The following GFRA2 variants were observed in gnomAD, a reference collection of about 807,000 sequenced individuals.
The protein encoded by GFRA2 is GDNF family receptor alpha-2.
A neutral mutation model predicts 48.3 loss-of-function variants in GFRA2; 17 were observed. That is an observed-to-expected ratio of 0.35 (90% CI 0.24 to 0.53). The LOEUF (loss-of-function observed/expected upper bound fraction) is 0.53, where lower values mean the gene tolerates loss of function less well. Among genes scored for constraint, GFRA2 ranks in the 20% least tolerant of loss-of-function variants. The pLI, the probability that GFRA2 is intolerant of heterozygous loss-of-function variation, is 0.93. For synonymous variants in GFRA2, 305 were observed against 257.2 expected, an observed-to-expected ratio of 1.19 and a Z score of -1.78; for missense variants, 660 against 637.3, an observed-to-expected ratio of 1.04 and a Z score of -0.38.
intron 4 of GFRA2, among the ~76,000 whole-genome samples, chr8:21,711,184 G>C (rs1309578095): frequency 6.6e-6 from 1 of 152,214 alleles, no homozygotes; most frequent in Non-Finnish European, 1.5e-5. Flanking sequence ...AACACCAGGA[G>C]GTCACTCCTG....
At chr8:21,710,781 G>T (rs1293531377) in intron 4 of GFRA2, among the ~76,000 whole-genome samples, 2 of 152,246 alleles carry the variant, frequency 1.3e-5, no homozygotes, top group Non-Finnish European at 2.9e-5. Flanking sequence ...AGACAGCAAA[G>T]CGTACGGCAA....
chr8:21,698,391 T>C (rs982391507), intron 7 of GFRA2, among the ~76,000 whole-genome samples: 1 of 152,226 alleles, frequency 6.6e-6, no homozygotes, highest in East Asian at 1.9e-4. Context: ...AGGGATGCTC[T>C]GTTGCCCAGG....
In GFRA2 at chr8:21,775,030, G is replaced by C; in HGVS notation, c.381C>G (p.Pro127=). 1 of 1,600,730 alleles carries C rather than the reference G, an allele frequency of 6.2e-7. No individual in the cohort carries two copies. Among genetic ancestry groups the C allele is most frequent in the South Asian group, 1.1e-5 (1 of 90,728 alleles). The change falls in exon 3 of 9, where the codon CCC becomes CCG. Residue 127 remains proline (P), a synonymous_variant. Transcript: ENST00000524240. ...TEGEEFYEAS[P]YEPVTSRLSD... ...AGAGGCGGGAGGTCACCGGCTCATA[G>C]GGGGAGGCTTCGTAGAACTCCTCAC...
Position 21,693,298 on chromosome 8 carries a change from T to C in GFRA2, c.1375A>G (p.Met459Val). ...ACAGCCTACAAGGCCAGTTTCAGCA[T>C]CAGGACAGACAGCACGGTCAAGGCA... Reference protein sequence around the residue: ...SAALTVLSVLMLKLAL With the variant: ...SAALTVLSVLVLKLAL Residue 459 changes from methionine to valine, a missense_variant, in exon 9 of 9, where the codon ATG becomes GTG. Transcript: ENST00000524240. The C allele has an allele frequency of 1.2e-6, 2 of 1,613,002 alleles. No individual in the cohort carries two copies.
rs375942380 is a variant in GFRA2 at position 21,707,929 on chromosome 8, C to T, written c.795-1888G>A. On this transcript the variant is annotated intron_variant, in intron 4 of 8. Coordinates refer to ENST00000524240, the MANE Select transcript of GFRA2 (RefSeq NM_001495.5). ...TTTTATCATTTAACCCTCACAAATG[C>T]TCCGTGAGATCTGACAAGCAGTTAT... Among the ~76,000 whole-genome samples the T allele has an allele frequency of 2.0e-5, 3 of 152,196 alleles. No individual in the cohort carries two copies. In the East Asian group the frequency reaches 5.8e-4, roughly 29 times the overall value.
chr8:21,784,600 G>C (rs750966877), intron 1 of GFRA2, among the ~76,000 whole-genome samples: 3 of 152,196 alleles, frequency 2.0e-5, no homozygotes, highest in Admixed American at 6.5e-5. Context: ...TCCACTCCCG[G>C]TGGGACCAGC....
intron 4 of GFRA2, among the ~76,000 whole-genome samples, chr8:21,734,977 T>C (rs1023692479): frequency 2.0e-5 from 3 of 152,196 alleles, no homozygotes; most frequent in African/African-American, 7.2e-5. Context: ...CAACCCTTTG[T>C]CTCTCACCTT....
intron 2 of GFRA2, among the ~76,000 whole-genome samples, chr8:21,781,791 G>A (rs1350705030): frequency 2.6e-5 from 4 of 152,230 alleles, no homozygotes; most frequent in Non-Finnish European, 4.4e-5. Flanking sequence ...TCTGGTTACA[G>A]TGGCCCACCT....
At chr8:21,758,383 C>G (rs1336513355) in intron 3 of GFRA2, among the ~76,000 whole-genome samples, 2 of 152,164 alleles carry the variant, frequency 1.3e-5, no homozygotes, top group Admixed American at 1.3e-4. Flanking sequence ...CGCAAATGTG[C>G]CTGTGGGCAG....
intron 7 of GFRA2, among the ~76,000 whole-genome samples, chr8:21,699,833 T>G (rs1802383435): frequency 6.6e-6 from 1 of 152,154 alleles, no homozygotes; most frequent in African/African-American, 2.4e-5. Context: ...GGGTCTCTCC[T>G]TCCACCTGAA....
At chr8:21,790,112 G>A (rs1365575114), upstream of GFRA2, 76 of 984,826 alleles carry the variant, frequency 7.7e-5, no homozygotes, top group Non-Finnish European at 9.0e-5. Flanking sequence ...CGCCCAGAAG[G>A]ACCTAAAAGG....
intron 4 of GFRA2, among the ~76,000 whole-genome samples, chr8:21,711,754 C>T (rs895272558): frequency 6.8e-6 from 1 of 146,478 alleles, no homozygotes; most frequent in Non-Finnish European, 1.5e-5. Context: ...GGTCATAAGA[C>T]AATAGTGGAG....
rs778206194 is a variant in GFRA2 at position 21,690,777 on chromosome 8, C to G, written c.*2501G>C. Reference sequence around the variant, plus strand: ...CAGAATGCTGACCCTGTACATCCTGCCTTCCAGCCCCTCAGATGCCCTCCA... The same window carrying G: ...CAGAATGCTGACCCTGTACATCCTGGCTTCCAGCCCCTCAGATGCCCTCCA... On this transcript the variant is annotated 3_prime_UTR_variant, in exon 9 of 9. Coordinates refer to ENST00000524240, the MANE Select transcript of GFRA2 (RefSeq NM_001495.5). The G allele has an allele frequency of 3.9e-5, 6 of 152,504 alleles. No homozygotes were observed. The highest frequency in any genetic ancestry group is 1.4e-4 in the African/African-American group (6 of 41,460). 9.4% of individuals were successfully genotyped at this position (152,504 alleles called of 1,614,324 possible).
intron 3 of GFRA2, among the ~76,000 whole-genome samples, chr8:21,751,244 G>A (rs1444469258): frequency 6.6e-6 from 1 of 152,176 alleles, no homozygotes; most frequent in Non-Finnish European, 1.5e-5. Context: ...AGCCTAAAAG[G>A]CAAGCAACCA....
At chr8:21,754,232 G>A (rs1218553677) in intron 3 of GFRA2, among the ~76,000 whole-genome samples, 1 of 152,202 alleles carries the variant, frequency 6.6e-6, no homozygotes, top group African/African-American at 2.4e-5. Flanking sequence ...TCAGTGCTGT[G>A]TCCCTAGTAC....
chr8:21,707,108 T>C (rs1027687129), intron 4 of GFRA2, among the ~76,000 whole-genome samples: 9 of 152,172 alleles, frequency 5.9e-5, no homozygotes, highest in Non-Finnish European at 1.0e-4. Flanking sequence ...AGTAATAAGG[T>C]CTGTTCACGG....
At chr8:21,725,363 G>A (rs1336765765) in intron 4 of GFRA2, among the ~76,000 whole-genome samples, 1 of 152,226 alleles carries the variant, frequency 6.6e-6, no homozygotes, top group African/African-American at 2.4e-5. Context: ...GAGGGCAAGA[G>A]GCCAGGGCAG....
intron 4 of GFRA2, among the ~76,000 whole-genome samples, chr8:21,740,520 C>T (rs935288935): frequency 1.3e-5 from 2 of 152,098 alleles, no homozygotes; most frequent in African/African-American, 4.8e-5. Context: ...CACGGCTATC[C>T]ATTCCCTCTT....
chr8:21,721,976 A>G (rs888387727), intron 4 of GFRA2, among the ~76,000 whole-genome samples: 18 of 152,222 alleles, frequency 1.2e-4, no homozygotes, highest in African/African-American at 4.3e-4. Flanking sequence ...CTGGGCAGCT[A>G]TGCCACCACT....
Sources: allele counts gnomAD v4.1 joint callset (sites outside exome capture counted in the v4.1 genomes callset), GRCh38; gene constraint gnomAD v4.1.1; transcripts MANE v1.5; gene names NCBI Gene and HGNC (gene_info 2026-07-23, HGNC 2026-07-21).